Variants in RREB1 observed in about 807,000 individuals in gnomAD.
RREB1 encodes the protein ras-responsive element-binding protein 1.
Under a neutral mutation model 117.8 loss-of-function variants are expected in RREB1, and 27 were observed. The ratio of observed to expected loss-of-function variants is 0.23; its 90% CI spans 0.17 to 0.32. The LOEUF (loss-of-function observed/expected upper bound fraction) is 0.32. Among genes scored for constraint, RREB1 ranks in the 10% least tolerant of loss-of-function variants. The pLI, the probability that RREB1 is intolerant of heterozygous loss-of-function variation, is 1.00. For missense variants in RREB1, 2,577 were observed against 2,378.2 expected, an observed-to-expected ratio of 1.08 and a Z score of -1.74; for synonymous variants, 1,298 against 1,026.7, an observed-to-expected ratio of 1.26 and a Z score of -5.05.
intron 8 of RREB1, chr6:7,213,607 G>A (rs1766736011): frequency 6.6e-6 from 1 of 152,266 alleles, no homozygotes; most frequent in Non-Finnish European, 1.5e-5. Context: ...CCAGGATGTG[G>A]GCTTGTGGTG....
At chr6:7,237,502 A>G (rs1302600135) in intron 10 of RREB1, among the ~76,000 whole-genome samples, 1 of 152,058 alleles carries the variant, frequency 6.6e-6, no homozygotes, top group East Asian at 1.9e-4. Flanking sequence ...TGCTGGGATT[A>G]TAGGCATGAG....
intron 1 of RREB1, among the ~76,000 whole-genome samples, chr6:7,110,660 AAGAAAAGG>A (rs949906546): frequency 2.0e-5 from 3 of 152,228 alleles, no homozygotes; most frequent in African/African-American, 7.2e-5. Context: ...ATTTTTACAA[AAGAAAAGG>A]AGAGAAGAAC....
rs770226920 is a variant in RREB1, at chr6:7,247,014, C to G, written c.4564C>G (p.Leu1522Val). Residue 1522 changes from leucine to valine, a missense_variant, in exon 12 of 13, where the codon CTC becomes GTC. Leu to Val is a conservative substitution (Grantham distance 32, BLOSUM62 1). Coordinates refer to ENST00000379938, the MANE Select transcript of RREB1 (RefSeq NM_001003699.4). The part of the protein sequence containing the change: ...PGAGEAPAEK[L>V]AEETEGPSDG... Reference sequence around the variant, plus strand: ...TGCCGGGGAGGCCCCGGCGGAAAAGCTCGCGGAGGAGACGGAGGGCCCCTC... The same window carrying G: ...TGCCGGGGAGGCCCCGGCGGAAAAGGTCGCGGAGGAGACGGAGGGCCCCTC... 1 of 1,609,114 alleles carries G rather than the reference C, an allele frequency of 6.2e-7. No individual in the cohort carries two copies. The highest frequency in any genetic ancestry group is 1.1e-5 in the South Asian group (1 of 90,628).
intron 1 of RREB1, among the ~76,000 whole-genome samples, chr6:7,130,929 CTTTTTTT>C (rs61305060): frequency 1.7e-4 from 8 of 45,758 alleles, no homozygotes; most frequent in African/African-American, 3.3e-4. Context: ...ATAGTCATGT[CTTTTTTT>C]TTTTTTTTTT....
intron 1 of RREB1, among the ~76,000 whole-genome samples, chr6:7,123,720 C>G (rs539005265): frequency 6.7e-6 from 1 of 150,342 alleles, no homozygotes; most frequent in Non-Finnish European, 1.5e-5. Flanking sequence ...ACACCATTCT[C>G]CTGCCTCAGC....
At chr6:7,163,319 G>A (rs574696448) in intron 1 of RREB1, among the ~76,000 whole-genome samples, 1 of 152,312 alleles carries the variant, frequency 6.6e-6, no homozygotes, top group South Asian at 2.1e-4. Flanking sequence ...ATACTTCGTG[G>A]AAATGTGTTA....
chr6:7,179,414 T>G (rs1764673581), intron 2 of RREB1, among the ~76,000 whole-genome samples: 1 of 152,146 alleles, frequency 6.6e-6, no homozygotes, highest in Non-Finnish European at 1.5e-5. Context: ...CTTTTCTAAA[T>G]GTAGTAATAG....
At chr6:7,128,992 C>G (rs887362611) in intron 1 of RREB1, among the ~76,000 whole-genome samples, 1 of 152,184 alleles carries the variant, frequency 6.6e-6, no homozygotes, top group African/African-American at 2.4e-5. Flanking sequence ...TGCTTTTGAG[C>G]TTAACACATT....
chr6:7,220,180 T>G (rs1767161932), intron 8 of RREB1, among the ~76,000 whole-genome samples: 1 of 152,186 alleles, frequency 6.6e-6, no homozygotes, highest in Non-Finnish European at 1.5e-5. Flanking sequence ...ACTCCAGCAC[T>G]CTAAAGTTTC....
intron 1 of RREB1, among the ~76,000 whole-genome samples, chr6:7,115,293 T>C (rs1441808123): frequency 6.6e-6 from 1 of 152,050 alleles, no homozygotes; most frequent in Non-Finnish European, 1.5e-5. Flanking sequence ...AAATGTCTAA[T>C]ATAGTGTCAG....
chr6:7,137,772 C>T (rs140355825), intron 1 of RREB1, among the ~76,000 whole-genome samples: 97 of 152,156 alleles, frequency 6.4e-4, no homozygotes, highest in Non-Finnish European at 1.1e-3. Flanking sequence ...ATTTCACGGC[C>T]GCCTAGCTCC....
intron 1 of RREB1, among the ~76,000 whole-genome samples, chr6:7,156,819 C>T (rs920366999): frequency 7.2e-5 from 11 of 152,206 alleles, no homozygotes; most frequent in African/African-American, 2.2e-4. Flanking sequence ...GCGTAGGAAA[C>T]AGGATGCTGT....
chr6:7,144,315 T>C (rs75294871), intron 1 of RREB1, among the ~76,000 whole-genome samples: 5,657 of 152,332 alleles, frequency 0.037, 138 homozygotes, highest in Non-Finnish European at 0.051. Flanking sequence ...AAACCTCACC[T>C]GTACACTGTA....
At chr6:7,228,238 G>T (rs534590955) in intron 9 of RREB1, among the ~76,000 whole-genome samples, 1 of 152,034 alleles carries the variant, frequency 6.6e-6, no homozygotes, top group African/African-American at 2.4e-5. Flanking sequence ...GACCCTCCTA[G>T]GCAGCATCCC....
intron 1 of RREB1, among the ~76,000 whole-genome samples, chr6:7,120,121 A>T (rs907264018): frequency 7.3e-6 from 1 of 136,240 alleles, no homozygotes; most frequent in African/African-American, 2.7e-5. Context: ...TTTTTTAGCT[A>T]TTTCTTTACT....
At chr6:7,181,288 G>C (rs554460218) in intron 3 of RREB1, 42 bp downstream of exon 3, 1 of 398,794 alleles carries the variant, frequency 2.5e-6, no homozygotes, top group Non-Finnish European at 4.4e-6. Context: ...TTCCCTCCTA[G>C]GGTACGTTAC....
intron 8 of RREB1, chr6:7,212,403 T>C (rs910494754): frequency 2.6e-5 from 4 of 152,256 alleles, no homozygotes; most frequent in African/African-American, 9.6e-5. Flanking sequence ...AGGGGACTCA[T>C]CTTTCTTTCT....
Position 7,218,267 on chromosome 6 carries a change from C to CA in RREB1, c.707+6559dup, listed in dbSNP as rs907069019. On this transcript the variant is annotated intron_variant, in intron 8 of 12. Transcript: ENST00000379938. Reference sequence around the variant, plus strand: ...GGTCAGATATCTGTCCCTCAGCTGTCACAATGGTAGACTTGATGGAGTTAC... The same window carrying CA: ...GGTCAGATATCTGTCCCTCAGCTGTCAACAATGGTAGACTTGATGGAGTTAC... The CA allele has an allele frequency of 5.6e-4, 85 of 152,294 alleles. 1 individual carries two copies. The highest frequency in any genetic ancestry group is 2.0e-3 in the African/African-American group (84 of 41,560). 9.4% of individuals were successfully genotyped at this position (152,294 alleles called of 1,614,324 possible).
At chr6:7,145,732 C>T (rs990446870) in intron 1 of RREB1, among the ~76,000 whole-genome samples, 1 of 151,088 alleles carries the variant, frequency 6.6e-6, no homozygotes, top group Non-Finnish European at 1.5e-5. Context: ...AAATGTCAGC[C>T]CCAGTAGCTG....
Sources: allele counts gnomAD v4.1 joint callset (sites outside exome capture counted in the v4.1 genomes callset), GRCh38; gene constraint gnomAD v4.1.1; transcripts MANE v1.5; gene names NCBI Gene and HGNC (gene_info 2026-07-23, HGNC 2026-07-21).